HEATR4: variants seen among roughly 807,000 people sequenced by gnomAD.
HEATR4 encodes the protein HEAT repeat containing 4, also known as HEAT repeat-containing protein 4.
In HEATR4, 95 loss-of-function variants were observed where a neutral mutation model predicts 108.8. The ratio of observed to expected loss-of-function variants is 0.87; its 90% CI spans 0.74 to 1.04. HEATR4 has a LOEUF of 1.04. Among genes scored for constraint, HEATR4 ranks in the 50% least tolerant of loss-of-function variants. The pLI is 0.00. For missense variants in HEATR4, 1,152 were observed against 1,253.8 expected, an observed-to-expected ratio of 0.92 and a Z score of 1.23; for synonymous variants, 443 against 459.4, an observed-to-expected ratio of 0.96 and a Z score of 0.46.
intron 10 of HEATR4, among the ~76,000 whole-genome samples, chr14:73,505,059 T>C (rs60538422): frequency 0.019 from 2,852 of 151,964 alleles, 58 homozygotes; most frequent in African/African-American, 0.041. Flanking sequence ...AGCCTCCAAG[T>C]AGCTGGGATG....
intron 16 of HEATR4, among the ~76,000 whole-genome samples, chr14:73,494,338 A>G (rs922224852): frequency 9.9e-5 from 15 of 152,156 alleles, no homozygotes; most frequent in Non-Finnish European, 1.5e-5. Context: ...TTGTAAGTAT[A>G]TTTTGGTACA....
intron 1 of HEATR4, among the ~76,000 whole-genome samples, chr14:73,535,651 G>GA (rs1888844566): frequency 9.2e-6 from 1 of 108,666 alleles, no homozygotes; most frequent in South Asian, 3.0e-4. Flanking sequence ...TGTATTTTTG[G>GA]TTTTTTTTTA....
chr14:73,545,363 G>A lies in HEATR4; in HGVS notation c.-152+13388C>T, dbSNP rs1889216189. ...GTGTGAGCCACCGCTGCCAGCTTCC[G>A]GCACCTTTTTTCTAAAGGAATTCAT... On this transcript the variant is annotated intron_variant, in intron 1 of 17. Transcript: ENST00000553558. 2.9e-5 allele frequency among the ~76,000 whole-genome samples: 3 copies of A among 102,118 alleles called. 1 individual carries two copies. The highest frequency in any genetic ancestry group is 6.3e-5 in the Non-Finnish European group (3 of 47,994). The allele number at this position is 102,118 out of a possible 152,430, so 67.0% of individuals were successfully genotyped here.
chr14:73,567,429 T>A, the HEATR4 span, among the ~76,000 whole-genome samples: 5 of 152,072 alleles, frequency 3.3e-5, no homozygotes, highest in Non-Finnish European at 7.4e-5. Context: ...ATCAGCACTC[T>A]GTGTCTAGCT....
At chr14:73,601,339 A>AAGTG in the HEATR4 span, among the ~76,000 whole-genome samples, 1,443 of 152,178 alleles carry the variant, frequency 9.5e-3, 16 homozygotes, top group African/African-American at 0.033. Flanking sequence ...TGAGGCGGAC[A>AAGTG]GATCACTTGA....
At chr14:73,588,904 CT>C in the HEATR4 span, among the ~76,000 whole-genome samples, 9 of 148,890 alleles carry the variant, frequency 6.0e-5, no homozygotes, top group South Asian at 2.1e-4. Flanking sequence ...GGGTTGTTTA[CT>C]TTTTTTTTTA....
the HEATR4 span, among the ~76,000 whole-genome samples, chr14:73,619,002 C>A: frequency 6.6e-6 from 1 of 151,830 alleles, no homozygotes; most frequent in East Asian, 1.9e-4. Flanking sequence ...TGGTGGTGGG[C>A]GCCTGTAATC....
the HEATR4 span, among the ~76,000 whole-genome samples, chr14:73,613,204 C>G: frequency 6.6e-6 from 1 of 152,158 alleles, no homozygotes; most frequent in Non-Finnish European, 1.5e-5. Flanking sequence ...GTGGCTGGAT[C>G]GTAGCTCACA....
chr14:73,579,133 G>A, the HEATR4 span, among the ~76,000 whole-genome samples: 81 of 150,610 alleles, frequency 5.4e-4, no homozygotes, highest in Non-Finnish European at 8.9e-4. Context: ...GCATGCGCCT[G>A]TAATCCCAGC....
In HEATR4 at chr14:73,486,551, A is replaced by G. The variant is rs1236205644; in HGVS notation, c.2844+6515T>C. On this transcript the variant is annotated intron_variant, in intron 17 of 17. Coordinates refer to ENST00000553558, the MANE Select transcript of HEATR4 (RefSeq NM_001220484.1). The stretch of plus-strand genomic sequence containing the variant: ...CGTCTCTAGTGAAAATACAAAAATT[A>G]GCCGGGTGTGGTGGCCTGCGCCTGT... 2.0e-5 allele frequency among the ~76,000 whole-genome samples: 3 copies of G among 151,936 alleles called. No homozygotes were observed. In the East Asian group the frequency reaches 5.8e-4, roughly 29 times the overall value.
the HEATR4 span, chr14:73,592,513 A>G: frequency 7.4e-7 from 1 of 1,350,344 alleles, no homozygotes; most frequent in Non-Finnish European, 9.7e-7. Flanking sequence ...TTGGAGCAAG[A>G]TCAGAGAAGC....
chr14:73,569,251 A>G, the HEATR4 span: 1 of 1,613,600 alleles, frequency 6.2e-7, no homozygotes. Flanking sequence ...ATGTCTAACA[A>G]GCTTCTTTCT....
chr14:73,528,539 T>C (rs896579283), intron 2 of HEATR4, among the ~76,000 whole-genome samples: 12 of 152,160 alleles, frequency 7.9e-5, no homozygotes, highest in African/African-American at 2.9e-4. Flanking sequence ...AAGAGGCTTG[T>C]TCTGGCTTGT....
intron 10 of HEATR4, among the ~76,000 whole-genome samples, chr14:73,505,153 G>A (rs1327486380): frequency 8.5e-5 from 13 of 152,260 alleles, no homozygotes. Flanking sequence ...CTGGTCTCAA[G>A]TGATCCACCC....
chr14:73,585,720 AT>A, the HEATR4 span, among the ~76,000 whole-genome samples: 1 of 150,986 alleles, frequency 6.6e-6, no homozygotes, highest in African/African-American at 2.4e-5. Context: ...GTACTATCAC[AT>A]TGGGTATTAG....
the HEATR4 span, chr14:73,593,832 C>T: frequency 6.2e-7 from 1 of 1,614,038 alleles, no homozygotes; most frequent in Non-Finnish European, 8.5e-7. Context: ...TTGAAGATCT[C>T]CCCAATAACA....
At chr14:73,603,864 A>G in the HEATR4 span, among the ~76,000 whole-genome samples, 4,753 of 151,256 alleles carry the variant, frequency 0.031, 103 homozygotes, top group South Asian at 0.097. Context: ...CTCCTGAGTA[A>G]CTGGGACTAC....
chr14:73,546,715 C>A, intron 1 of HEATR4, among the ~76,000 whole-genome samples: 1 of 113,072 alleles, frequency 8.8e-6, no homozygotes, highest in Non-Finnish European at 1.9e-5. Flanking sequence ...CACTTTCAAC[C>A]CATGCACACT....
the HEATR4 span, among the ~76,000 whole-genome samples, chr14:73,572,367 T>G: frequency 6.6e-6 from 1 of 151,812 alleles, no homozygotes; most frequent in Non-Finnish European, 1.5e-5. Context: ...TCAACATGGA[T>G]GAATCTCCAA....
Sources: gnomAD v4.1 joint callset for allele counts (sites outside exome capture counted in the v4.1 genomes callset) on GRCh38, gnomAD v4.1.1 for gene constraint, MANE v1.5 for transcripts, NCBI Gene and HGNC (gene_info 2026-07-23, HGNC 2026-07-21) for gene names.